Variants in TM4SF1 observed in about 807,000 individuals in gnomAD.
TM4SF1 encodes the protein transmembrane 4 L6 family member 1.
Under a neutral mutation model 24.5 loss-of-function variants are expected in TM4SF1, and 20 were observed. The observed-to-expected ratio is 0.82, with a 90% CI of 0.57 to 1.19. The LOEUF (loss-of-function observed/expected upper bound fraction) is 1.19. Among genes scored for constraint, TM4SF1 ranks in the 50% most tolerant of loss-of-function variants. The pLI is 0.00. For synonymous variants in TM4SF1, 107 were observed against 95.4 expected, an observed-to-expected ratio of 1.12 and a Z score of -0.71; for missense variants, 258 against 248.1, an observed-to-expected ratio of 1.04 and a Z score of -0.27.
At position 149,375,672 on chromosome 3, in the gene TM4SF1, G is replaced by C; in HGVS notation, c.267+8C>G. 1 of 1,614,198 alleles carries C rather than the reference G, an allele frequency of 6.2e-7. No individual in the cohort carries two copies. The highest frequency in any genetic ancestry group is 2.2e-5 in the East Asian group (1 of 44,886). ...AGTCATTTTCACCACCAGGGCAGGAGGACCTACCGCACATCGTTTGCCACA... is the reference window on the plus strand; with the variant it reads ...AGTCATTTTCACCACCAGGGCAGGACGACCTACCGCACATCGTTTGCCACA... On this transcript the variant is annotated splice_region_variant and intron_variant, in intron 2 of 4. Coordinates refer to ENST00000305366, the MANE Select transcript of TM4SF1 (RefSeq NM_014220.3).
chr3:149,373,790 A>C (rs1224383945), intron 3 of TM4SF1, among the ~76,000 whole-genome samples: 1 of 152,228 alleles, frequency 6.6e-6, no homozygotes, highest in African/African-American at 2.4e-5. Flanking sequence ...TGTAGAATCC[A>C]GAGTGGATAA....
In TM4SF1 at chr3:149,371,840, G is replaced by A. The variant is rs147989008; in HGVS notation, c.441C>T (p.Ser147=). 32 of 1,613,838 alleles carry A rather than the reference G, an allele frequency of 2.0e-5. No individual in the cohort carries two copies. The highest frequency in any genetic ancestry group is 8.0e-5 in the African/African-American group (6 of 74,852). ...CAATGTGCTTGGGTTCAGTGCACTC[G>A]GACCATGTGGAGGTATCCAGAAGGT... is the stretch of plus-strand genomic sequence containing the variant. ...GQYLLDTSTW[S]ECTEPKHIVE... is the part of the protein sequence containing the mutation. The change falls in exon 4 of 5, where the codon TCC becomes TCT. Residue 147 remains serine (S), a synonymous_variant. Transcript: ENST00000305366.
chr3:149,376,752 G>A (rs1731963727), intron 1 of TM4SF1, among the ~76,000 whole-genome samples: 1 of 152,132 alleles, frequency 6.6e-6, no homozygotes. Context: ...TCAGCTCCCA[G>A]GTTGGCAGGG....
intron 1 of TM4SF1, among the ~76,000 whole-genome samples, chr3:149,377,160 G>T (rs1731974905): frequency 6.6e-6 from 1 of 152,174 alleles, no homozygotes; most frequent in Non-Finnish European, 1.5e-5. Flanking sequence ...ACTTTTAGTT[G>T]AAAGAGCATT....
At chr3:149,369,962 G>C (rs1405335906) in intron 4 of TM4SF1, 82 bp from the exon 5 acceptor site, 1 of 1,521,628 alleles carries the variant, frequency 6.6e-7, no homozygotes, top group Non-Finnish European at 8.9e-7. Context: ...CCTATTTTAA[G>C]CAAACATAAA....
chr3:149,371,239 T>A (rs1250021771), intron 4 of TM4SF1: 1 of 182,362 alleles, frequency 5.5e-6, no homozygotes, highest in Admixed American at 5.7e-5. Flanking sequence ...TGTTATTTCC[T>A]GAGTAGGTGA....
intron 1 of TM4SF1, among the ~76,000 whole-genome samples, chr3:149,376,600 A>C (rs1399856075): frequency 6.6e-6 from 1 of 152,224 alleles, no homozygotes; most frequent in East Asian, 1.9e-4. Flanking sequence ...ATGTTTTACT[A>C]TCTTTTACTT....
chr3:149,370,595 C>T (rs1196950532), intron 4 of TM4SF1: 1 of 152,208 alleles, frequency 6.6e-6, no homozygotes, highest in Non-Finnish European at 1.5e-5. Context: ...TCTGCCCTTC[C>T]CCAACCGTAC....
chr3:149,377,197 C>T (rs1731975610), intron 1 of TM4SF1, among the ~76,000 whole-genome samples, 174 bp downstream of exon 1: 1 of 152,218 alleles, frequency 6.6e-6, no homozygotes, highest in African/African-American at 2.4e-5. Context: ...CATAAAATTA[C>T]TACGCTATAC....
At chr3:149,371,444 G>T in intron 4 of TM4SF1, 1 of 596,554 alleles carries the variant, frequency 1.7e-6, no homozygotes, top group Non-Finnish European at 3.0e-6. Flanking sequence ...TGTGTCTATG[G>T]GCAGCATGTT....
chr3:149,369,245 A>G lies in TM4SF1; in HGVS notation c.*621T>C, dbSNP rs1731762410. ...AAAAGGCTTTCCATATGTTAGAAAA[A>G]TTTGAATCTCATAGTACTCACAACA... On this transcript the variant is annotated 3_prime_UTR_variant, in exon 5 of 5. Coordinates refer to ENST00000305366, the MANE Select transcript of TM4SF1 (RefSeq NM_014220.3). The G allele has an allele frequency of 6.6e-6, 1 of 152,274 alleles. No homozygotes were observed. The allele number at this position is 152,274 out of a possible 1,614,324, so 9.4% of individuals were successfully genotyped here. A position where few individuals can be genotyped will look rare whatever the true frequency, so the allele number is the denominator to read the frequency against.
intron 1 of TM4SF1, among the ~76,000 whole-genome samples, chr3:149,377,067 A>G (rs1731970278): frequency 1.3e-5 from 2 of 152,234 alleles, no homozygotes; most frequent in Admixed American, 1.3e-4. Flanking sequence ...TGCCCGTTCT[A>G]GTAGAAACTC....
rs1483155769 is a variant in TM4SF1, at chr3:149,377,481, C to T, written c.67G>A (p.Ala23Thr). The T allele has an allele frequency of 1.2e-6, 2 of 1,614,146 alleles. No homozygotes were observed. The highest frequency in any genetic ancestry group is 1.7e-5 in the Admixed American group (1 of 60,022). ...GGAAAGTAAAGCAAAATATTAGCCG[C>T]GATGCACAGGAGGGCGAGCCCCACC... The part of the protein sequence containing the change: ...SLVGLALLCI[A>T]ANILLYFPNG... The change falls in exon 1 of 5, where the codon GCG becomes ACG. Residue 23 changes from alanine (A) to threonine (T), a missense_variant. Transcript: ENST00000305366.
In TM4SF1 at chr3:149,377,452, ATTGGGAAAGT is replaced by A. The variant is rs1560004285; in HGVS notation, c.86_95del (p.Tyr29LeufsTer23). Reference sequence around the variant, plus strand: ...TTTCGGAGGCATACTTTGTTTCCCCATTGGGAAAGTAAAGCAAAATATTAGCCGCGATGCA... The same window carrying A: ...TTTCGGAGGCATACTTTGTTTCCCCAAAAGCAAAATATTAGCCGCGATGCA... On this transcript the variant is annotated frameshift_variant, in exon 1 of 5. Transcript: ENST00000305366. LOFTEE classifies it high-confidence loss of function. The A allele has an allele frequency of 1.2e-6, 2 of 1,614,230 alleles. No homozygotes were observed. Among genetic ancestry groups the A allele is most frequent in the Non-Finnish European group, 1.7e-6 (2 of 1,180,048 alleles).
At position 149,377,648 on chromosome 3, in the gene TM4SF1, C is replaced by T. The variant is rs1731994549; in HGVS notation, c.-101G>A. The T allele has an allele frequency of 6.6e-7, 1 of 1,507,060 alleles. No individual in the cohort carries two copies. The highest frequency in any genetic ancestry group is 1.4e-5 in the African/African-American group (1 of 71,882). The allele number at this position is 1,507,060 out of a possible 1,614,324, so 93.4% of individuals were successfully genotyped here. A position where few individuals can be genotyped will look rare whatever the true frequency, so the allele number is the denominator to read the frequency against. On this transcript the variant is annotated 5_prime_UTR_variant, in exon 1 of 5. In the 5' UTR this introduces an upstream ATG that the reference lacks. Coordinates refer to ENST00000305366, the MANE Select transcript of TM4SF1 (RefSeq NM_014220.3). ...CTTCTGGTGGAGAAAGCAAACACCA[C>T]TCTCAGCCCATTCCTGCTACCTCTT...
rs375482705 is a variant in TM4SF1 at position 149,369,922 on chromosome 3, A to G, written c.595-42T>C. 2.3e-5 allele frequency: 37 copies of G among 1,585,870 alleles called. No homozygotes were observed. In the East Asian group the frequency reaches 2.7e-4, roughly 12 times the overall value. The stretch of plus-strand genomic sequence containing the variant: ...ATACCATTAGGCTATAATCAGGATA[A>G]ATAATGATGACATTTTAGTCCTTTA... On this transcript the variant is annotated intron_variant, in intron 4 of 4. Transcript: ENST00000305366.
rs777815420 is a variant in TM4SF1, at chr3:149,369,606, C to T, written c.*260G>A. On this transcript the variant is annotated 3_prime_UTR_variant, in exon 5 of 5. Transcript: ENST00000305366. Reference sequence around the variant, plus strand: ...CTCAGATATACTGAGTACTGTCACTCAGTCTGTAAATTACCCCCAGAGGGT... The same window carrying T: ...CTCAGATATACTGAGTACTGTCACTTAGTCTGTAAATTACCCCCAGAGGGT... 64 of 442,240 alleles carry T rather than the reference C, an allele frequency of 1.4e-4. No individual in the cohort carries two copies. The highest frequency in any genetic ancestry group is 2.2e-4 in the Non-Finnish European group (56 of 249,742). 27.4% of individuals were successfully genotyped at this position (442,240 alleles called of 1,614,324 possible).
chr3:149,370,328 C>T (rs1731791690), intron 4 of TM4SF1: 1 of 158,154 alleles, frequency 6.3e-6, no homozygotes, highest in Non-Finnish European at 1.4e-5. Flanking sequence ...CAGATCTTCC[C>T]TGTAGTATCT....
Position 149,369,620 on chromosome 3 carries a change from C to T in TM4SF1, c.*246G>A. 1 of 464,510 alleles carries T rather than the reference C, an allele frequency of 2.2e-6. No homozygotes were observed. Among genetic ancestry groups the T allele is most frequent in the Non-Finnish European group, 3.8e-6 (1 of 263,400 alleles). The allele number at this position is 464,510 out of a possible 1,614,324, so 28.8% of individuals were successfully genotyped here. A position where few individuals can be genotyped will look rare whatever the true frequency, so the allele number is the denominator to read the frequency against. ...GTACTGTCACTCAGTCTGTAAATTA[C>T]CCCCAGAGGGTGGTTTGTTTCCTCA... On this transcript the variant is annotated 3_prime_UTR_variant, in exon 5 of 5. Coordinates refer to ENST00000305366, the MANE Select transcript of TM4SF1 (RefSeq NM_014220.3).
Sources: gnomAD v4.1 joint callset for allele counts (sites outside exome capture counted in the v4.1 genomes callset) on GRCh38, gnomAD v4.1.1 for gene constraint, MANE v1.5 for transcripts, NCBI Gene and HGNC (gene_info 2026-07-23, HGNC 2026-07-21) for gene names.